KLF8: variants seen among roughly 807,000 people sequenced by gnomAD.
KLF8 encodes Krueppel-like factor 8.
KLF8 carries 10 observed loss-of-function variants against 18.2 expected under a neutral mutation model. The observed-to-expected ratio is 0.55, with a 90% CI of 0.34 to 0.93. KLF8 has a LOEUF of 0.93. Ranked by LOEUF, KLF8 falls within the 40% of genes least tolerant of loss-of-function variation. The pLI is 0.02. For missense variants in KLF8, 264 were observed against 277.9 expected, an observed-to-expected ratio of 0.95 and a Z score of 0.36; for synonymous variants, 109 against 97.3, an observed-to-expected ratio of 1.12 and a Z score of -0.71.
At chrX:55,980,992 A>G in the KLF8 span, among the ~76,000 whole-genome samples, 4 of 112,023 alleles carry the variant, frequency 3.6e-5, no homozygotes, top group African/African-American at 1.3e-4. Flanking sequence ...CAGGAATTTG[A>G]GACCAGCCTG....
the KLF8 span, among the ~76,000 whole-genome samples, chrX:55,925,347 T>A: frequency 1.8e-5 from 2 of 109,465 alleles, no homozygotes; most frequent in Admixed American, 2.0e-4. Context: ...GGGCAATACA[T>A]GTAAGGGTGC....
At chrX:55,968,534 C>T in the KLF8 span, among the ~76,000 whole-genome samples, 1 of 111,953 alleles carries the variant, frequency 8.9e-6, no homozygotes, top group Non-Finnish European at 1.9e-5. Context: ...ACTCAAATCT[C>T]ACCTTGAATT....
intron 5 of KLF8, 26 bp downstream of exon 5, chrX:56,270,347 A>ACC: frequency 1.5e-6 from 1 of 661,759 alleles, no homozygotes; most frequent in Non-Finnish European, 2.0e-6. Flanking sequence ...TCTCACCCCC[A>ACC]ACACACACAC....
the KLF8 span, among the ~76,000 whole-genome samples, chrX:55,909,935 C>A: frequency 8.9e-6 from 1 of 112,189 alleles, no homozygotes; most frequent in Admixed American, 9.4e-5. Flanking sequence ...ACATCTCTTA[C>A]ATATTTGTCT....
chrX:56,093,596 T>C, the KLF8 span, among the ~76,000 whole-genome samples: 1 of 110,311 alleles, frequency 9.1e-6, no homozygotes, highest in Admixed American at 9.7e-5. Context: ...GTCAGAAGCT[T>C]GGACCAAAAT....
chrX:56,134,161 AC>A, the KLF8 span, among the ~76,000 whole-genome samples: 4 of 111,604 alleles, frequency 3.6e-5, no homozygotes, highest in Admixed American at 1.9e-4. Context: ...ACTAGAAAAA[AC>A]AATCTTAAAA....
At chrX:56,006,733 G>A in the KLF8 span, among the ~76,000 whole-genome samples, 1 of 112,483 alleles carries the variant, frequency 8.9e-6, no homozygotes. Flanking sequence ...GTATATTCCA[G>A]ATATTAGTCA....
chrX:56,233,401 C>A, intron 1 of KLF8, 60 bp downstream of exon 1: 1 of 889,490 alleles, frequency 1.1e-6, no homozygotes. Flanking sequence ...GATTCTATCC[C>A]CCTCCCAGTC....
At chrX:56,173,233 G>T in the KLF8 span, among the ~76,000 whole-genome samples, 1 of 111,918 alleles carries the variant, frequency 8.9e-6, no homozygotes, top group African/African-American at 3.2e-5. Context: ...ATGGTTTTGG[G>T]TCTAACATTT....
the KLF8 span, among the ~76,000 whole-genome samples, chrX:56,050,896 G>A: frequency 3.7e-5 from 4 of 108,714 alleles, no homozygotes; most frequent in Non-Finnish European, 5.7e-5. Flanking sequence ...TTAATGTGTG[G>A]GAGTCTAAGT....
chrX:56,204,791 C>T, the KLF8 span, among the ~76,000 whole-genome samples: 125 of 110,552 alleles, frequency 1.1e-3, no homozygotes, highest in African/African-American at 4.0e-3. Context: ...AAACTTAATC[C>T]CCATAGTATG....
chrX:56,124,262 G>A, the KLF8 span, among the ~76,000 whole-genome samples: 1 of 111,741 alleles, frequency 8.9e-6, no homozygotes, highest in South Asian at 3.8e-4. Flanking sequence ...CAGGCTTAAT[G>A]AAGGCAGGGA....
At chrX:55,960,794 C>A in the KLF8 span, among the ~76,000 whole-genome samples, 9 of 112,021 alleles carry the variant, frequency 8.0e-5, no homozygotes, top group African/African-American at 3.2e-5. Flanking sequence ...GTCTACATAA[C>A]AACCAACTAA....
At chrX:56,115,014 A>C in the KLF8 span, among the ~76,000 whole-genome samples, 1 of 112,528 alleles carries the variant, frequency 8.9e-6, no homozygotes, top group Non-Finnish European at 1.9e-5. Context: ...AATTTTAAAA[A>C]GTTTGAATAG....
rs184725567 is a variant in KLF8 at position 56,244,490 on chromosome X, C to G, written c.8-5741C>G. Among the ~76,000 whole-genome samples the G allele has an allele frequency of 5.3e-4, 59 of 112,013 alleles. No homozygotes were observed. The East Asian group carries it at 7.3e-3, about 14-fold the overall frequency. ...AGCATGAGCCACTGTGCCAGGCCCTCTTTCTTCCTTTTTAAAATGAGGAAA... is the reference window on the plus strand; with the variant it reads ...AGCATGAGCCACTGTGCCAGGCCCTGTTTCTTCCTTTTTAAAATGAGGAAA... On this transcript the variant is annotated intron_variant, in intron 1 of 5. Coordinates refer to ENST00000468660, the MANE Select transcript of KLF8 (RefSeq NM_007250.5).
the KLF8 span, among the ~76,000 whole-genome samples, chrX:56,195,272 TAAC>T: frequency 8.9e-6 from 1 of 111,786 alleles, no homozygotes; most frequent in Non-Finnish European, 1.9e-5. Flanking sequence ...AGGTCAGTAA[TAAC>T]AAACTTTTCC....
chrX:55,978,972 T>C, the KLF8 span, among the ~76,000 whole-genome samples: 2 of 111,665 alleles, frequency 1.8e-5, no homozygotes, highest in Non-Finnish European at 3.8e-5. Context: ...TTGGGTAGAC[T>C]GCAGACTTGG....
chrX:56,265,306 C>A lies in KLF8; in HGVS notation c.208C>A (p.Pro70Thr), dbSNP rs1306007343. The change falls in exon 3 of 6, where the codon CCC becomes ACC. Residue 70 changes from proline (P) to threonine (T), a missense_variant. By Grantham distance (38) the Pro-to-Thr change is conservative. This residue lies in a region of KLF8 where 221 missense variants were observed against 193.6 expected (regional missense o/e 1.14). Coordinates refer to ENST00000468660, the MANE Select transcript of KLF8 (RefSeq NM_007250.5). ...ACTGTTTAATGACATCAAGATTGAG[C>A]CCCCAGAAGAACTTTTGGCTAGTGA... ...PALFNDIKIE[P>T]PEELLASDFS... 1 of 1,204,697 alleles carries A rather than the reference C, an allele frequency of 8.3e-7. No homozygotes were observed. Among genetic ancestry groups the A allele is most frequent in the Non-Finnish European group, 1.1e-6 (1 of 892,195 alleles).
chrX:56,206,120 C>T, the KLF8 span, among the ~76,000 whole-genome samples: 6 of 110,933 alleles, frequency 5.4e-5, no homozygotes, highest in African/African-American at 1.6e-4. Flanking sequence ...GGGGAAACCA[C>T]CCCTATGATT....
Sources: allele counts gnomAD v4.1 joint callset (sites outside exome capture counted in the v4.1 genomes callset), GRCh38; gene constraint gnomAD v4.1.1; regional missense constraint gnomAD v4.1.1; transcripts MANE v1.5; gene names NCBI Gene and HGNC (gene_info 2026-07-23, HGNC 2026-07-21).